Variants in CRTC3 observed in about 807,000 individuals in gnomAD.
CRTC3 encodes the protein CREB-regulated transcription coactivator 3.
In CRTC3, 26 loss-of-function variants were observed where a neutral mutation model predicts 74.5. The observed-to-expected ratio is 0.35, with a 90% CI of 0.26 to 0.48. The LOEUF is 0.48. Ranked by LOEUF, CRTC3 falls within the 20% of genes least tolerant of loss-of-function variation. CRTC3 has a pLI of 0.99. For synonymous variants in CRTC3, 377 were observed against 325.8 expected, an observed-to-expected ratio of 1.16 and a Z score of -1.69; for missense variants, 760 against 787.3, an observed-to-expected ratio of 0.97 and a Z score of 0.41.
chr15:90,593,817 TTTATC>T, intron 3 of CRTC3, 62 bp downstream of exon 3: 1 of 1,526,196 alleles, frequency 6.6e-7, no homozygotes, highest in East Asian at 2.3e-5. Context: ...GTTTTCAGGA[TTTATC>T]TTCCCTGCAA....
rs1358343103 is a variant in CRTC3, at chr15:90,643,048, C to T, written c.*908C>T. On this transcript the variant is annotated 3_prime_UTR_variant, in exon 15 of 15. Coordinates refer to ENST00000268184, the MANE Select transcript of CRTC3 (RefSeq NM_022769.5). ...AGCAACTGAGCTTCCCCATCCCTCC[C>T]CAGAGCTGTGTCTCTGTGGGCTGGG... 4.3e-6 allele frequency: 1 copy of T among 232,270 alleles called. No homozygotes were observed. The highest frequency in any genetic ancestry group is 8.5e-6 in the Non-Finnish European group (1 of 117,568). 14.4% of individuals were successfully genotyped at this position (232,270 alleles called of 1,614,324 possible).
chr15:90,635,519 C>T (rs1408508607), intron 11 of CRTC3, among the ~76,000 whole-genome samples: 1 of 152,186 alleles, frequency 6.6e-6, no homozygotes, highest in Non-Finnish European at 1.5e-5. Flanking sequence ...TTAGCATGCT[C>T]CTGTAATCTC....
intron 9 of CRTC3, among the ~76,000 whole-genome samples, chr15:90,623,455 A>T (rs2151089962): frequency 6.6e-6 from 1 of 152,172 alleles, no homozygotes; most frequent in South Asian, 2.1e-4. Flanking sequence ...TCACATCTTC[A>T]GTGTCCCCTG....
chr15:90,638,246 T>C (rs1419818614), intron 11 of CRTC3, 200 bp from the exon 12 acceptor site: 3 of 548,682 alleles, frequency 5.5e-6, no homozygotes, highest in South Asian at 5.2e-5. Flanking sequence ...GAACTTGTCA[T>C]TGAATGGAAC....
chr15:90,627,216 T>G lies in CRTC3; in HGVS notation c.967+1223T>G, dbSNP rs149251948. ...CAATCTTAGGTTTGAAGAATTGATT[T>G]CAGAGAACACCTTTATTTTTGTTTT... On this transcript the variant is annotated intron_variant, in intron 10 of 14. Coordinates refer to ENST00000268184, the MANE Select transcript of CRTC3 (RefSeq NM_022769.5). Among the ~76,000 whole-genome samples the G allele has an allele frequency of 5.8e-3, 879 of 152,364 alleles. 5 individuals carry two copies. Among genetic ancestry groups the G allele is most frequent in the Non-Finnish European group, 9.5e-3 (643 of 68,026 alleles).
At chr15:90,564,955 T>A (rs1042530128) in intron 2 of CRTC3, among the ~76,000 whole-genome samples, 1 of 107,866 alleles carries the variant, frequency 9.3e-6, no homozygotes, top group South Asian at 3.1e-4. Flanking sequence ...CCTTCCTTCC[T>A]TCCTTTCATG....
intron 2 of CRTC3, among the ~76,000 whole-genome samples, chr15:90,542,860 G>A (rs1966825683): frequency 6.6e-6 from 1 of 152,180 alleles, no homozygotes; most frequent in Non-Finnish European, 1.5e-5. Context: ...CTCAATTGGG[G>A]TCTGCCTAAT....
chr15:90,640,927 A>G, intron 13 of CRTC3, 170 bp from the exon 14 acceptor site: 1 of 600,952 alleles, frequency 1.7e-6, no homozygotes. Flanking sequence ...CTGCCTGACA[A>G]GAATATTGTG....
intron 6 of CRTC3, among the ~76,000 whole-genome samples, chr15:90,608,930 C>G (rs1705547280): frequency 6.6e-6 from 1 of 152,196 alleles, no homozygotes; most frequent in African/African-American, 2.4e-5. Context: ...TGCAGATTGA[C>G]TCTTGCCCAG....
chr15:90,532,570 A>G (rs76556825), intron 1 of CRTC3, among the ~76,000 whole-genome samples: 6,361 of 152,228 alleles, frequency 0.042, 413 homozygotes, highest in African/African-American at 0.14. Context: ...TTGGGATTCA[A>G]GTTCTTCTCT....
intron 2 of CRTC3, among the ~76,000 whole-genome samples, chr15:90,548,225 A>G (rs945980483): frequency 2.6e-5 from 4 of 152,252 alleles, no homozygotes; most frequent in Admixed American, 1.3e-4. Context: ...GTCCTTTCAA[A>G]TCATATCACT....
rs1454561597 is a variant in CRTC3, at chr15:90,540,128, A to G, written c.222A>G (p.Ser74=). Residue 74 remains serine, a synonymous_variant, in exon 2 of 15, where the codon TCA becomes TCG. Coordinates refer to ENST00000268184, the MANE Select transcript of CRTC3 (RefSeq NM_022769.5). ...TGAGCCAGCTGCGGAGCAGTGCGTC[A>G]GAGTTTCAGGTACCTCCAGATATGT... is the stretch of plus-strand genomic sequence containing the variant. ...PNVSQLRSSA[S]EFQPSFHQAD... The G allele has an allele frequency of 3.7e-6, 6 of 1,606,964 alleles. No individual in the cohort carries two copies. In the African/African-American group the frequency reaches 8.0e-5, roughly 22 times the overall value.
intron 8 of CRTC3, 70 bp downstream of exon 8, chr15:90,618,038 T>C: frequency 9.8e-7 from 1 of 1,020,768 alleles, no homozygotes; most frequent in South Asian, 1.3e-5. Flanking sequence ...TGAAAAATCC[T>C]GCAGAGGTGA....
In CRTC3 at chr15:90,638,618, A is replaced by T. The variant is rs765399427; in HGVS notation, c.1439A>T (p.Gln480Leu). 6.2e-6 allele frequency: 10 copies of T among 1,613,366 alleles called. No homozygotes were observed. The highest frequency in any genetic ancestry group is 7.6e-6 in the Non-Finnish European group (9 of 1,180,004). ...CCCCAGGCAGCCTCCTCACTGCCAC[A>T]GTCAGACTTTCAGCTTCTCCCGGCC... ...QQPQAASSLP[Q>L]SDFQLLPAQG... Residue 480 changes from glutamine to leucine, a missense_variant, in exon 12 of 15, where the codon CAG becomes CTG. Gln to Leu is a moderately radical substitution (Grantham distance 113). Transcript: ENST00000268184.
chr15:90,570,062 A>G (rs945279977), intron 2 of CRTC3, among the ~76,000 whole-genome samples: 1 of 152,244 alleles, frequency 6.6e-6, no homozygotes, highest in Non-Finnish European at 1.5e-5. Context: ...TGAACAAAAT[A>G]CTTAAAAAGG....
At chr15:90,582,175 A>G (rs773880029) in intron 2 of CRTC3, among the ~76,000 whole-genome samples, 79 of 152,232 alleles carry the variant, frequency 5.2e-4, no homozygotes, top group Middle Eastern at 3.2e-3. Flanking sequence ...TACCCAGAAC[A>G]TATTTCTCTA....
chr15:90,532,666 A>G (rs1966646155), intron 1 of CRTC3, among the ~76,000 whole-genome samples: 1 of 152,230 alleles, frequency 6.6e-6, no homozygotes. Context: ...TGGGTAGGAT[A>G]GACTAGACTG....
At chr15:90,581,104 A>G (rs1010261631) in intron 2 of CRTC3, among the ~76,000 whole-genome samples, 2 of 152,022 alleles carry the variant, frequency 1.3e-5, no homozygotes. Context: ...CTCCGTTCCC[A>G]TCTTCAGAGG....
chr15:90,536,233 G>A (rs6496685), intron 1 of CRTC3, among the ~76,000 whole-genome samples: 1 of 151,888 alleles, frequency 6.6e-6, no homozygotes, highest in African/African-American at 2.4e-5. Flanking sequence ...CTCTAACTTA[G>A]CTCTTTTTGA....
Sources: gnomAD v4.1 joint callset for allele counts (sites outside exome capture counted in the v4.1 genomes callset) on GRCh38, gnomAD v4.1.1 for gene constraint, MANE v1.5 for transcripts, NCBI Gene and HGNC (gene_info 2026-07-23, HGNC 2026-07-21) for gene names.